The following SEMA6D variants were observed in gnomAD, a reference collection of about 807,000 sequenced individuals.
The protein encoded by SEMA6D is semaphorin-6D.
In SEMA6D, 35 loss-of-function variants were observed where a neutral mutation model predicts 106.6. That is an observed-to-expected ratio of 0.33 (90% confidence interval 0.25 to 0.44). The LOEUF is 0.44. Among genes scored for constraint, SEMA6D ranks in the 20% least tolerant of loss-of-function variants. The probability of loss-of-function intolerance (pLI) is 1.00; values close to 1 mark genes in which losing one functional copy is unlikely to be tolerated. For synonymous variants in SEMA6D, 499 were observed against 487.7 expected (o/e 1.02, Z -0.31); for missense variants, 1,185 against 1,345.9 (o/e 0.88, Z 1.87).
At chr15:47,344,961 A>T (rs684920) in intron 1 of SEMA6D, among the ~76,000 whole-genome samples, 1 of 151,958 alleles carries the variant, frequency 6.6e-6, no homozygotes, top group African/African-American at 2.4e-5. Flanking sequence ...AAAATAACAT[A>T]AAAAATGTGC....
intron 1 of SEMA6D, among the ~76,000 whole-genome samples, chr15:47,312,770 T>C (rs1179093351): frequency 6.6e-6 from 1 of 152,218 alleles, no homozygotes; most frequent in East Asian, 1.9e-4. Flanking sequence ...TTTAAATGTA[T>C]ACTCAGTATA....
chr15:47,410,566 A>G (rs1248733145), intron 1 of SEMA6D, among the ~76,000 whole-genome samples: 1 of 152,194 alleles, frequency 6.6e-6, no homozygotes, highest in Non-Finnish European at 1.5e-5. Flanking sequence ...GGCTAAACAG[A>G]AAAGGTTTTC....
intron 4 of SEMA6D, among the ~76,000 whole-genome samples, chr15:47,643,448 T>C (rs541471754): frequency 2.6e-5 from 4 of 152,318 alleles, no homozygotes; most frequent in South Asian, 2.1e-4. Context: ...AGCTGTAGCA[T>C]GCAACATGAG....
intron 1 of SEMA6D, among the ~76,000 whole-genome samples, chr15:47,737,838 G>A (rs1007251626): frequency 6.6e-6 from 1 of 152,090 alleles, no homozygotes; most frequent in Non-Finnish European, 1.5e-5. Flanking sequence ...GTATGTAGGA[G>A]CATGTGTGTT....
intron 1 of SEMA6D, among the ~76,000 whole-genome samples, chr15:47,202,810 C>T (rs1196821071): frequency 6.6e-6 from 1 of 152,086 alleles, no homozygotes; most frequent in African/African-American, 2.4e-5. Flanking sequence ...TTGCTTCAGA[C>T]CCTTACAGAT....
At chr15:47,185,381 T>C (rs535608468) in intron 1 of SEMA6D, among the ~76,000 whole-genome samples, 4 of 152,156 alleles carry the variant, frequency 2.6e-5, no homozygotes, top group Non-Finnish European at 4.4e-5. Flanking sequence ...ATTTCCCCCA[T>C]TGAAATTGTT....
chr15:47,629,846 C>G (rs933680423), intron 4 of SEMA6D, among the ~76,000 whole-genome samples: 2 of 151,834 alleles, frequency 1.3e-5, no homozygotes, highest in Admixed American at 1.3e-4. Context: ...TAGTGACCAC[C>G]AATGCTATTC....
At chr15:47,270,153 T>C (rs1595591459) in intron 1 of SEMA6D, among the ~76,000 whole-genome samples, 1 of 148,246 alleles carries the variant, frequency 6.7e-6, no homozygotes, top group African/African-American at 2.4e-5. Flanking sequence ...TATAATAAAA[T>C]ATGTTATAAA....
At chr15:47,322,989 T>A (rs2143745707) in intron 1 of SEMA6D, among the ~76,000 whole-genome samples, 1 of 152,340 alleles carries the variant, frequency 6.6e-6, no homozygotes, top group African/African-American at 2.4e-5. Flanking sequence ...CATCTATGTA[T>A]CTACCTACCC....
chr15:47,438,017 TTTGGTTGTGTG>T (rs756890373), intron 2 of SEMA6D, among the ~76,000 whole-genome samples: 1 of 152,126 alleles, frequency 6.6e-6, no homozygotes, highest in Non-Finnish European at 1.5e-5. Context: ...TGCTACCAGA[TTTGGTTGTGTG>T]ACTGAATTGT....
chr15:47,334,983 C>G (rs2037491242), intron 1 of SEMA6D, among the ~76,000 whole-genome samples: 1 of 152,192 alleles, frequency 6.6e-6, no homozygotes, highest in African/African-American at 2.4e-5. Flanking sequence ...GGCCTTGAGG[C>G]TGTACTAAGG....
intron 2 of SEMA6D, among the ~76,000 whole-genome samples, chr15:47,436,381 A>G (rs1267225937): frequency 6.6e-6 from 1 of 151,152 alleles, no homozygotes; most frequent in Non-Finnish European, 1.5e-5. Flanking sequence ...CAAAAGTGAA[A>G]GTCTGTCTCA....
rs1400151355 is a variant in SEMA6D, at chr15:47,461,997, A to T, written c.-158-8477A>T. 3.9e-5 allele frequency among the ~76,000 whole-genome samples: 6 copies of T among 152,170 alleles called. No individual in the cohort carries two copies. The East Asian group carries it at 1.2e-3, about 30-fold the overall frequency. On this transcript the variant is annotated intron_variant, in intron 2 of 19. Coordinates refer to the SEMA6D transcript ENST00000558014. ...ATTACCAGAAAATACTGAATATTTC[A>T]TAAAGTTACTATTTGGTGATTCTAG...
chr15:47,371,110 T>C (rs1448647473), intron 1 of SEMA6D, among the ~76,000 whole-genome samples: 1 of 152,218 alleles, frequency 6.6e-6, no homozygotes, highest in Non-Finnish European at 1.5e-5. Flanking sequence ...CAAATCAATA[T>C]GGACTCTCAT....
chr15:47,558,193 G>A (rs966438970), intron 3 of SEMA6D, among the ~76,000 whole-genome samples: 1 of 152,156 alleles, frequency 6.6e-6, no homozygotes, highest in Non-Finnish European at 1.5e-5. Context: ...AGGATATACT[G>A]TCTATATTCT....
chr15:47,762,477 A>T (rs1440736223), intron 8 of SEMA6D, among the ~76,000 whole-genome samples, 158 bp downstream of exon 8: 2 of 152,088 alleles, frequency 1.3e-5, no homozygotes, highest in Admixed American at 1.3e-4. Context: ...ATTGACAGGG[A>T]ATGAGGAGGC....
At chr15:47,189,729 A>T (rs532064623) in intron 1 of SEMA6D, among the ~76,000 whole-genome samples, 4 of 152,330 alleles carry the variant, frequency 2.6e-5, no homozygotes, top group East Asian at 3.9e-4. Flanking sequence ...TAAAATGCAG[A>T]TGTGTTGTCT....
intron 4 of SEMA6D, among the ~76,000 whole-genome samples, chr15:47,632,918 G>A (rs2077317645): frequency 6.6e-6 from 1 of 151,870 alleles, no homozygotes; most frequent in African/African-American, 2.4e-5. Flanking sequence ...ATATCACTGT[G>A]TATAGTTTTC....
At chr15:47,225,234 A>G (rs376927242) in intron 1 of SEMA6D, among the ~76,000 whole-genome samples, 2 of 152,010 alleles carry the variant, frequency 1.3e-5, no homozygotes. Context: ...GAAACTGTCA[A>G]ACTGTCTTCA....
Sources: gnomAD v4.1 joint callset for allele counts (sites outside exome capture counted in the v4.1 genomes callset) on GRCh38, gnomAD v4.1.1 for gene constraint, MANE v1.5 for transcripts, NCBI Gene and HGNC (gene_info 2026-07-23, HGNC 2026-07-21) for gene names.